The following AXDND1 variants were observed in gnomAD, a reference collection of about 807,000 sequenced individuals.
AXDND1 encodes the protein axonemal dynein light chain domain-containing protein 1.
Under a neutral mutation model 137.5 loss-of-function variants are expected in AXDND1, and 110 were observed. The ratio of observed to expected loss-of-function variants is 0.80; its 90% confidence interval spans 0.69 to 0.94. The LOEUF is 0.94. Among genes scored for constraint, AXDND1 ranks in the 40% least tolerant of loss-of-function variants. AXDND1 has a pLI of 0.00. For missense variants in AXDND1, 1,191 were observed against 1,169.8 expected (o/e 1.02, Z -0.26); for synonymous variants, 414 against 399.7 (o/e 1.04, Z -0.43).
intron 4 of AXDND1, among the ~76,000 whole-genome samples, chr1:179,373,834 G>T (rs2125056224): frequency 6.6e-6 from 1 of 152,188 alleles, no homozygotes; most frequent in South Asian, 2.1e-4. Context: ...ATTCAAGATG[G>T]ATTAAAGACT....
chr1:179,468,054 T>G (rs1663445375), intron 16 of AXDND1, among the ~76,000 whole-genome samples: 1 of 152,182 alleles, frequency 6.6e-6, no homozygotes, highest in Non-Finnish European at 1.5e-5. Context: ...AATTTGTTAT[T>G]CACTATCCCA....
At chr1:179,414,397 C>T (rs904416437) in intron 12 of AXDND1, among the ~76,000 whole-genome samples, 3 of 141,738 alleles carry the variant, frequency 2.1e-5, no homozygotes, top group African/African-American at 5.1e-5. Context: ...GATGTCAGTT[C>T]TCTCCAAATT....
At chr1:179,546,695 C>T (rs1365346227) in intron 25 of AXDND1, among the ~76,000 whole-genome samples, 2 of 152,094 alleles carry the variant, frequency 1.3e-5, no homozygotes, top group African/African-American at 2.4e-5. Context: ...ATCTCAGTGG[C>T]GACAGGTTCC....
chr1:179,417,662 G>C (rs1654902272), intron 12 of AXDND1, among the ~76,000 whole-genome samples: 2 of 151,934 alleles, frequency 1.3e-5, no homozygotes, highest in South Asian at 4.1e-4. Flanking sequence ...CTCCTGCTTT[G>C]TTCTTTTTGC....
intron 17 of AXDND1, among the ~76,000 whole-genome samples, chr1:179,469,866 G>C (rs1663701766): frequency 6.6e-6 from 1 of 152,146 alleles, no homozygotes; most frequent in Admixed American, 6.5e-5. Flanking sequence ...GTTGTTGCTT[G>C]TGCTGGTGTC....
At chr1:179,482,098 ATTTTTTTTT>A (rs57145549) in intron 17 of AXDND1, among the ~76,000 whole-genome samples, 46,922 of 108,866 alleles carry the variant, frequency 0.43, 8,442 homozygotes, top group East Asian at 0.67. Context: ...GAGCTTTTTA[ATTTTTTTTT>A]TTTTTTTTTT....
chr1:179,492,556 T>A (rs541082785), intron 19 of AXDND1, among the ~76,000 whole-genome samples: 1 of 152,342 alleles, frequency 6.6e-6, no homozygotes, highest in African/African-American at 2.4e-5. Context: ...CTTGATGCTA[T>A]CATTACTTTA....
intron 22 of AXDND1, among the ~76,000 whole-genome samples, chr1:179,526,289 A>G (rs568360002): frequency 6.4e-4 from 98 of 152,296 alleles, no homozygotes; most frequent in South Asian, 1.2e-3. Flanking sequence ...ATGATTACCA[A>G]AAATTGAGTG....
chr1:179,525,553 G>A, intron 22 of AXDND1, 106 bp downstream of exon 22: 1 of 1,320,494 alleles, frequency 7.6e-7, no homozygotes, highest in Non-Finnish European at 1.0e-6. Flanking sequence ...TTGGAGTGCT[G>A]TGGTATCATC....
intron 20 of AXDND1, among the ~76,000 whole-genome samples, chr1:179,494,105 C>T (rs1019524448): frequency 1.3e-5 from 2 of 152,048 alleles, no homozygotes; most frequent in African/African-American, 4.8e-5. Flanking sequence ...GCGTGCACCA[C>T]TATGCCGGGC....
intron 25 of AXDND1, chr1:179,552,688 A>G: frequency 6.2e-7 from 1 of 1,611,996 alleles, no homozygotes; most frequent in Non-Finnish European, 8.5e-7. Flanking sequence ...TTTACTGAAA[A>G]AGAAAGAATG....
At chr1:179,548,306 A>G (rs1054093826) in intron 25 of AXDND1, among the ~76,000 whole-genome samples, 3 of 152,230 alleles carry the variant, frequency 2.0e-5, no homozygotes, top group Non-Finnish European at 4.4e-5. Context: ...TAAGCATATC[A>G]TATGCATTAT....
At chr1:179,426,669 A>C (rs1224716857) in intron 12 of AXDND1, among the ~76,000 whole-genome samples, 1 of 152,252 alleles carries the variant, frequency 6.6e-6, no homozygotes, top group Admixed American at 6.5e-5. Flanking sequence ...GTGATTACAA[A>C]AATATTGAAA....
At chr1:179,466,021 A>G (rs1663115997) in intron 16 of AXDND1, among the ~76,000 whole-genome samples, 1 of 152,094 alleles carries the variant, frequency 6.6e-6, no homozygotes, top group Admixed American at 6.5e-5. Flanking sequence ...ACCGTCTTTC[A>G]TGGCTTCCCT....
chr1:179,506,495 G>T (rs1668548762), intron 20 of AXDND1, among the ~76,000 whole-genome samples: 2 of 152,128 alleles, frequency 1.3e-5, no homozygotes, highest in Non-Finnish European at 2.9e-5. Flanking sequence ...ACTTTGCGAG[G>T]CTGAGGCAAG....
At chr1:179,506,471 A>G (rs1473799053) in intron 20 of AXDND1, among the ~76,000 whole-genome samples, 1 of 152,130 alleles carries the variant, frequency 6.6e-6, no homozygotes, top group African/African-American at 2.4e-5. Flanking sequence ...AGTAGCTCAC[A>G]CCTGTAATCC....
intron 15 of AXDND1, among the ~76,000 whole-genome samples, chr1:179,441,027 C>T (rs6693527): frequency 0.33 from 50,258 of 151,976 alleles, 8,754 homozygotes; most frequent in Middle Eastern, 0.43. Context: ...AGTTTGTCCA[C>T]CTGGAGTAGG....
intron 20 of AXDND1, among the ~76,000 whole-genome samples, chr1:179,504,671 C>A (rs532007974): frequency 6.6e-6 from 1 of 152,086 alleles, no homozygotes; most frequent in African/African-American, 2.4e-5. Flanking sequence ...CATTGCCCTG[C>A]GCCACCCCAT....
At chr1:179,468,830 T>C in intron 17 of AXDND1, 189 bp downstream of exon 17, 1 of 402,758 alleles carries the variant, frequency 2.5e-6, no homozygotes, top group Non-Finnish European at 4.3e-6. Context: ...TTATGCACTT[T>C]AGCTATCATT....
Sources: gnomAD v4.1 joint callset for allele counts (sites outside exome capture counted in the v4.1 genomes callset) on GRCh38, gnomAD v4.1.1 for gene constraint, MANE v1.5 for transcripts, NCBI Gene and HGNC (gene_info 2026-07-23, HGNC 2026-07-21) for gene names.